C1QTNF7: variants seen among roughly 807,000 people sequenced by gnomAD.
C1QTNF7 encodes C1q and TNF related 7, also known as complement C1q tumor necrosis factor-related protein 7.
In C1QTNF7, 15 loss-of-function variants were observed where a neutral mutation model predicts 19.6. The observed-to-expected ratio is 0.76, with a 90% CI of 0.51 to 1.18. C1QTNF7 has a LOEUF of 1.18. C1QTNF7 is among the 50% of genes most tolerant of loss of function. The pLI, the probability that C1QTNF7 is intolerant of heterozygous loss-of-function variation, is 0.00. For synonymous variants in C1QTNF7, 142 were observed against 137.5 expected (o/e 1.03, Z -0.23); for missense variants, 324 against 359.7 (o/e 0.90, Z 0.80).
chr4:15,347,459 T>C (rs1397426026), intron 1 of C1QTNF7, among the ~76,000 whole-genome samples: 2 of 152,178 alleles, frequency 1.3e-5, no homozygotes, highest in African/African-American at 2.4e-5. Context: ...CCTGTGCTTA[T>C]AGGGAGGACT....
At chr4:15,439,869 T>C (rs1560372099) in intron 2 of C1QTNF7, among the ~76,000 whole-genome samples, 1 of 151,906 alleles carries the variant, frequency 6.6e-6, no homozygotes, top group Non-Finnish European at 1.5e-5. Context: ...CATTGCTTTT[T>C]TATATATATA....
At chr4:15,390,091 C>T (rs1263422271) in intron 1 of C1QTNF7, among the ~76,000 whole-genome samples, 1 of 152,062 alleles carries the variant, frequency 6.6e-6, no homozygotes, top group East Asian at 1.9e-4. Context: ...GACTATTCAA[C>T]CAGAGAAACA....
chr4:15,385,292 G>A (rs1389818705), intron 1 of C1QTNF7, among the ~76,000 whole-genome samples: 3 of 152,124 alleles, frequency 2.0e-5, no homozygotes, highest in East Asian at 3.9e-4. Context: ...ACACAAAGAC[G>A]TACATGTCAG....
At chr4:15,424,580 G>A (rs1186346614), upstream of C1QTNF7, among the ~76,000 whole-genome samples, 1 of 152,116 alleles carries the variant, frequency 6.6e-6, no homozygotes. Flanking sequence ...GGCTCAGGAA[G>A]TCCCATCACG....
chr4:15,413,521 A>G (rs781043309), intron 1 of C1QTNF7, among the ~76,000 whole-genome samples: 18 of 152,212 alleles, frequency 1.2e-4, no homozygotes, highest in Non-Finnish European at 2.4e-4. Flanking sequence ...TTAATGCACA[A>G]TCTCTTTGGA....
intron 1 of C1QTNF7, chr4:15,374,572 C>T: frequency 1.0e-6 from 1 of 985,334 alleles, no homozygotes; most frequent in Non-Finnish European, 1.2e-6. Flanking sequence ...GGTCCTTGCC[C>T]GCTCCCTCTC....
chr4:15,404,809 C>A (rs1719134669), intron 1 of C1QTNF7, among the ~76,000 whole-genome samples: 1 of 152,188 alleles, frequency 6.6e-6, no homozygotes, highest in Non-Finnish European at 1.5e-5. Flanking sequence ...GTCTGCACAG[C>A]ACAACAGAAC....
chr4:15,343,320 A>G (rs1716611230), intron 1 of C1QTNF7, among the ~76,000 whole-genome samples: 1 of 152,192 alleles, frequency 6.6e-6, no homozygotes, highest in South Asian at 2.1e-4. Context: ...CATTAAATCA[A>G]TGTTTCCCAA....
At position 15,431,109 on chromosome 4, in the gene C1QTNF7, C is replaced by T. The variant is rs568253836; in HGVS notation, c.-9+3003C>T. ...AGATAGATAGATAGATAGATAGATT[C>T]ATTGCACCATTGCTTATAACAGCAA... is the stretch of plus-strand genomic sequence containing the variant. On this transcript the variant is annotated intron_variant, in intron 1 of 2. Coordinates refer to ENST00000444304, the MANE Select transcript of C1QTNF7 (RefSeq NM_031911.5). Among the ~76,000 whole-genome samples the T allele has an allele frequency of 2.7e-5, 4 of 145,780 alleles. No homozygotes were observed. In the South Asian group the frequency reaches 8.7e-4, roughly 32 times the overall value.
intron 1 of C1QTNF7, chr4:15,373,855 G>A (rs936728653): frequency 6.6e-6 from 1 of 152,150 alleles, no homozygotes; most frequent in Admixed American, 6.5e-5. Context: ...AACACCGAAT[G>A]GAAAATGAGA....
chr4:15,391,434 AAGG>A (rs1718554447), intron 1 of C1QTNF7, among the ~76,000 whole-genome samples: 4 of 152,134 alleles, frequency 2.6e-5, no homozygotes, highest in Admixed American at 2.6e-4. Context: ...GTTTTGAGAG[AAGG>A]AGAAGAAAAG....
At chr4:15,375,242 A>T (rs1717894779) in intron 1 of C1QTNF7, among the ~76,000 whole-genome samples, 1 of 152,136 alleles carries the variant, frequency 6.6e-6, no homozygotes, top group Admixed American at 6.5e-5. Flanking sequence ...ATTAAAGTGA[A>T]TATTGTTCTG....
intron 1 of C1QTNF7, among the ~76,000 whole-genome samples, chr4:15,387,465 A>G (rs1428352708): frequency 6.6e-6 from 1 of 152,204 alleles, no homozygotes; most frequent in Non-Finnish European, 1.5e-5. Flanking sequence ...AATATTTGCC[A>G]GATTCAGAAG....
intron 1 of C1QTNF7, among the ~76,000 whole-genome samples, chr4:15,371,815 C>T (rs1480198356): frequency 6.6e-6 from 1 of 152,154 alleles, no homozygotes; most frequent in African/African-American, 2.4e-5. Context: ...GGCAAACTCT[C>T]TACAGCTGTC....
At chr4:15,386,885 T>C (rs1019573638) in intron 1 of C1QTNF7, among the ~76,000 whole-genome samples, 1 of 152,160 alleles carries the variant, frequency 6.6e-6, no homozygotes, top group Non-Finnish European at 1.5e-5. Context: ...GCCTCCTGGC[T>C]CACTCTAAGC....
chr4:15,428,564 G>A (rs1302702219), intron 1 of C1QTNF7, among the ~76,000 whole-genome samples: 1 of 152,134 alleles, frequency 6.6e-6, no homozygotes, highest in Non-Finnish European at 1.5e-5. Context: ...TCAATAGATA[G>A]CCATAACACA....
intron 1 of C1QTNF7, among the ~76,000 whole-genome samples, chr4:15,387,828 A>G (rs879346900): frequency 1.3e-5 from 2 of 152,212 alleles, no homozygotes; most frequent in African/African-American, 4.8e-5. Context: ...ACACGACTAG[A>G]TTACTATATC....
chr4:15,428,200 G>T (rs2108932013), intron 1 of C1QTNF7, 94 bp downstream of exon 1: 1 of 410,686 alleles, frequency 2.4e-6, no homozygotes, highest in East Asian at 1.6e-4. Flanking sequence ...TAAACAGATG[G>T]CTCTGTAGGA....
At chr4:15,422,934 T>G (rs978462463) in intron 1 of C1QTNF7, among the ~76,000 whole-genome samples, 1 of 152,222 alleles carries the variant, frequency 6.6e-6, no homozygotes. Flanking sequence ...TTTAAGTTTT[T>G]TACGTTTTAA....
Sources: gnomAD v4.1 joint callset for allele counts (sites outside exome capture counted in the v4.1 genomes callset) on GRCh38, gnomAD v4.1.1 for gene constraint, MANE v1.5 for transcripts, NCBI Gene and HGNC (gene_info 2026-07-23, HGNC 2026-07-21) for gene names.